The following SNX29 variants were observed in gnomAD, a reference collection of about 807,000 sequenced individuals.
SNX29 encodes the protein sorting nexin-29.
Under a neutral mutation model 102.1 loss-of-function variants are expected in SNX29, and 78 were observed. That is an observed-to-expected ratio of 0.76 (90% CI 0.64 to 0.92). SNX29 has a LOEUF of 0.92. Among genes scored for constraint, SNX29 ranks in the 40% least tolerant of loss-of-function variants. SNX29 has a pLI of 0.00. For missense variants in SNX29, 1,280 were observed against 1,061.7 expected (o/e 1.21, Z -2.86); for synonymous variants, 580 against 414.5 (o/e 1.40, Z -4.85).
chr16:12,403,478 C>A lies in SNX29; in HGVS notation c.1986C>A (p.Ile662=). The A allele has an allele frequency of 6.2e-7, 1 of 1,609,114 alleles. No homozygotes were observed. Among genetic ancestry groups the A allele is most frequent in the South Asian group, 1.1e-5 (1 of 89,552 alleles). The part of the protein sequence containing the change: ...ISNRALINVW[I]PSVFLRGKAA... ...ACCGGGCGCTGATCAACGTCTGGAT[C>A]CCCTCAGTGTTTCTCCGGGGCAAAG... Residue 662 remains isoleucine (I), a synonymous_variant, in exon 18 of 21, where the codon ATC becomes ATA. Coordinates refer to ENST00000566228, the MANE Select transcript of SNX29 (RefSeq NM_032167.5).
intron 15 of SNX29, among the ~76,000 whole-genome samples, chr16:12,322,142 A>G (rs181010934): frequency 1.2e-4 from 19 of 152,282 alleles, no homozygotes; most frequent in Non-Finnish European, 1.5e-5. Context: ...CAGGTTGAGA[A>G]CAAATGCTTG....
intron 20 of SNX29, among the ~76,000 whole-genome samples, chr16:12,564,975 G>A (rs551661823): frequency 1.2e-3 from 178 of 150,982 alleles, no homozygotes; most frequent in South Asian, 1.9e-3. Flanking sequence ...AATGTGAGGC[G>A]TTTCAGCTTC....
At chr16:12,222,449 T>C (rs1342672553) in intron 14 of SNX29, among the ~76,000 whole-genome samples, 1 of 152,240 alleles carries the variant, frequency 6.6e-6, no homozygotes, top group African/African-American at 2.4e-5. Flanking sequence ...ACCACCAGCT[T>C]GTATGTTTAC....
intron 8 of SNX29, among the ~76,000 whole-genome samples, chr16:12,058,342 T>A (rs896018345): frequency 1.3e-5 from 2 of 152,138 alleles, no homozygotes; most frequent in Non-Finnish European, 2.9e-5. Flanking sequence ...GTGTTAATTG[T>A]CTTGCTGAGG....
At chr16:12,104,047 G>C (rs921406997) in intron 11 of SNX29, among the ~76,000 whole-genome samples, 1 of 152,194 alleles carries the variant, frequency 6.6e-6, no homozygotes, top group Non-Finnish European at 1.5e-5. Flanking sequence ...GGAATTGGAA[G>C]CCTGCATTCC....
At chr16:12,441,156 C>T (rs544164881) in intron 18 of SNX29, among the ~76,000 whole-genome samples, 4 of 147,426 alleles carry the variant, frequency 2.7e-5, no homozygotes, top group East Asian at 2.0e-4. Context: ...GGCGCTATCT[C>T]GGCTCACTGC....
At chr16:12,532,316 A>G (rs544826326) in intron 20 of SNX29, among the ~76,000 whole-genome samples, 2 of 152,366 alleles carry the variant, frequency 1.3e-5, no homozygotes, top group East Asian at 3.8e-4. Context: ...CAGACTCTGT[A>G]GCGTCATGAG....
In SNX29 at chr16:12,571,372, G is replaced by C. The variant is rs148168698; in HGVS notation, c.*2743G>C. The stretch of plus-strand genomic sequence containing the variant: ...AGCCACGACCTTATCCATGAGTGGC[G>C]AAGACACCCCTGAGGAAAGGATTGC... On this transcript the variant is annotated 3_prime_UTR_variant, in exon 21 of 21. Transcript: ENST00000566228. 8.6e-6 allele frequency: 2 copies of C among 231,526 alleles called. No homozygotes were observed. Among genetic ancestry groups the C allele is most frequent in the Non-Finnish European group, 1.7e-5 (2 of 117,064 alleles). The allele number at this position is 231,526 out of a possible 1,614,324, so 14.3% of individuals were successfully genotyped here. A position where few individuals can be genotyped will look rare whatever the true frequency, so the allele number is the denominator to read the frequency against.
Position 12,069,148 on chromosome 16 carries a change from C to T in SNX29, c.1319+16C>T, listed in dbSNP as rs1478833843. 3.8e-6 allele frequency: 6 copies of T among 1,599,110 alleles called. No individual in the cohort carries two copies. Among genetic ancestry groups the T allele is most frequent in the Non-Finnish European group, 5.1e-6 (6 of 1,169,242 alleles). ...TTCGGTACAGGTTAATATTGAGAAA[C>T]CCAGTTGCCTGTGGCATTAAAACAT... On this transcript the variant is annotated intron_variant, in intron 10 of 20. Transcript: ENST00000566228.
chr16:12,373,870 A>T (rs868577413), intron 16 of SNX29: 1 of 152,236 alleles, frequency 6.6e-6, no homozygotes, highest in Non-Finnish European at 1.5e-5. Flanking sequence ...TTCACATTTT[A>T]CTTGCTGTCA....
chr16:12,042,390 G>T (rs1320574076), intron 4 of SNX29, among the ~76,000 whole-genome samples: 2 of 152,164 alleles, frequency 1.3e-5, no homozygotes, highest in Non-Finnish European at 2.9e-5. Flanking sequence ...TACATTGCGT[G>T]ATGCCGAGGT....
Position 12,568,674 on chromosome 16 carries a change from G to C in SNX29, c.*45G>C, listed in dbSNP as rs2079116229. The C allele has an allele frequency of 1.3e-6, 2 of 1,589,300 alleles. No homozygotes were observed. The highest frequency in any genetic ancestry group is 2.7e-5 in the African/African-American group (2 of 74,630). On this transcript the variant is annotated 3_prime_UTR_variant, in exon 21 of 21. Coordinates refer to ENST00000566228, the MANE Select transcript of SNX29 (RefSeq NM_032167.5). ...ACGGGCCCTGTGCGTGGCACCAGCTGCGTCCACCCCAGCCACTGCCGCTGG... is the reference window on the plus strand; with the variant it reads ...ACGGGCCCTGTGCGTGGCACCAGCTCCGTCCACCCCAGCCACTGCCGCTGG...
intron 1 of SNX29, among the ~76,000 whole-genome samples, chr16:11,997,121 C>T (rs1028070221): frequency 6.6e-5 from 10 of 152,176 alleles, no homozygotes; most frequent in African/African-American, 1.4e-4. Context: ...ATGGCCCACA[C>T]GATCCTATGT....
intron 11 of SNX29, among the ~76,000 whole-genome samples, chr16:12,093,100 A>G (rs986068815): frequency 6.6e-6 from 1 of 152,178 alleles, no homozygotes; most frequent in Non-Finnish European, 1.5e-5. Context: ...GTGAAAGGCA[A>G]ATGTCACCTT....
intron 14 of SNX29, among the ~76,000 whole-genome samples, chr16:12,243,910 CAAA>C (rs2078185581): frequency 2.6e-5 from 4 of 152,206 alleles, no homozygotes; most frequent in African/African-American, 7.2e-5. Context: ...GAACCATTGT[CAAA>C]TGTCATGGAG....
intron 19 of SNX29, among the ~76,000 whole-genome samples, chr16:12,508,345 G>A (rs2089466392): frequency 6.6e-6 from 1 of 152,370 alleles, no homozygotes; most frequent in South Asian, 2.1e-4. Flanking sequence ...GCATGGACCG[G>A]TGTCACCTCT....
intron 19 of SNX29, among the ~76,000 whole-genome samples, chr16:12,510,231 A>C (rs1345223664): frequency 6.6e-6 from 1 of 152,250 alleles, no homozygotes; most frequent in Admixed American, 6.5e-5. Context: ...TAATTTGACC[A>C]AATATTGATA....
intron 15 of SNX29, among the ~76,000 whole-genome samples, chr16:12,326,531 C>T (rs985043573): frequency 6.6e-6 from 1 of 152,070 alleles, no homozygotes; most frequent in Admixed American, 6.5e-5. Context: ...CGGTGTGTCT[C>T]ACAGGCAGTC....
At chr16:12,493,692 A>T (rs1003943805) in intron 19 of SNX29, among the ~76,000 whole-genome samples, 3 of 152,090 alleles carry the variant, frequency 2.0e-5, no homozygotes, top group Non-Finnish European at 4.4e-5. Context: ...CCTGGGTTCA[A>T]ATGATTGTCC....
Sources: allele counts gnomAD v4.1 joint callset (sites outside exome capture counted in the v4.1 genomes callset), GRCh38; gene constraint gnomAD v4.1.1; transcripts MANE v1.5; gene names NCBI Gene and HGNC (gene_info 2026-07-23, HGNC 2026-07-21).